The following MAPRE2 variants were observed in gnomAD, a reference collection of about 807,000 sequenced individuals.
MAPRE2 encodes microtubule associated protein RP/EB family member 2.
Under a neutral mutation model 43.2 loss-of-function variants are expected in MAPRE2, and 13 were observed. That is an observed-to-expected ratio of 0.30 (90% CI 0.20 to 0.48). MAPRE2 has a LOEUF of 0.48. Among genes scored for constraint, MAPRE2 ranks in the 20% least tolerant of loss-of-function variants. The pLI is 0.99. For missense variants in MAPRE2, 161 were observed against 400.2 expected (o/e 0.40, Z 5.10); for synonymous variants, 135 against 148.8 (o/e 0.91, Z 0.68).
intron 2 of MAPRE2, among the ~76,000 whole-genome samples, chr18:35,020,286 T>C (rs2097041074): frequency 6.6e-6 from 1 of 152,116 alleles, no homozygotes; most frequent in African/African-American, 2.4e-5. Context: ...TATTTTATTC[T>C]CCAGCTGGAC....
intron 2 of MAPRE2, among the ~76,000 whole-genome samples, chr18:35,016,425 A>G (rs941078496): frequency 3.9e-5 from 6 of 152,074 alleles, no homozygotes; most frequent in Non-Finnish European, 8.8e-5. Context: ...ATTCCCACCA[A>G]CTATGTATAA....
At chr18:34,978,432 A>G in intron 1 of MAPRE2, 2 of 1,250,012 alleles carry the variant, frequency 1.6e-6, no homozygotes, top group South Asian at 1.3e-5. Context: ...AAGTGTGCAG[A>G]CCGGTTGCGA....
chr18:35,085,542 G>A (rs1907836292), intron 2 of MAPRE2, among the ~76,000 whole-genome samples: 1 of 152,202 alleles, frequency 6.6e-6, no homozygotes, highest in Non-Finnish European at 1.5e-5. Context: ...AAGGGTGTGT[G>A]TGCCCCCAGG....
At chr18:35,072,627 C>CT (rs1296512419) in intron 2 of MAPRE2, among the ~76,000 whole-genome samples, 1 of 152,144 alleles carries the variant, frequency 6.6e-6, no homozygotes, top group African/African-American at 2.4e-5. Context: ...TATACATAAT[C>CT]TTTGCAGATC....
intron 2 of MAPRE2, among the ~76,000 whole-genome samples, chr18:35,006,705 A>T (rs2150581147): frequency 6.6e-6 from 1 of 152,340 alleles, no homozygotes; most frequent in Non-Finnish European, 1.5e-5. Context: ...GTGAAAGTGG[A>T]AATATGGAGC....
chr18:35,004,134 CT>C (rs566892078), intron 1 of MAPRE2, among the ~76,000 whole-genome samples: 1 of 151,972 alleles, frequency 6.6e-6, no homozygotes, highest in South Asian at 2.1e-4. Context: ...TGTTTTTCAC[CT>C]TTTTTTAACT....
upstream of MAPRE2, among the ~76,000 whole-genome samples, chr18:35,036,744 A>T (rs767424873): frequency 2.6e-5 from 4 of 152,162 alleles, no homozygotes; most frequent in Admixed American, 6.5e-5. Flanking sequence ...TTTGAGCTTA[A>T]TGTTTTCTCA....
At chr18:35,035,859 C>T (rs2097050271) in intron 2 of MAPRE2, among the ~76,000 whole-genome samples, 1 of 133,806 alleles carries the variant, frequency 7.5e-6, no homozygotes, top group African/African-American at 2.8e-5. Flanking sequence ...CTTCTCTTTC[C>T]CCCTGAATGA....
At chr18:35,047,585 C>T (rs1291275582) in intron 1 of MAPRE2, among the ~76,000 whole-genome samples, 2 of 152,048 alleles carry the variant, frequency 1.3e-5, no homozygotes, top group African/African-American at 2.4e-5. Flanking sequence ...AAAGAAATTT[C>T]TCCTAAATAT....
chr18:34,981,180 C>T (rs2097016010), intron 1 of MAPRE2, among the ~76,000 whole-genome samples: 1 of 151,806 alleles, frequency 6.6e-6, no homozygotes, highest in Non-Finnish European at 1.5e-5. Context: ...CAAGACCAGC[C>T]TGGCCAAACA....
intron 2 of MAPRE2, among the ~76,000 whole-genome samples, chr18:35,029,595 T>G (rs1040296106): frequency 6.6e-6 from 1 of 152,158 alleles, no homozygotes; most frequent in Non-Finnish European, 1.5e-5. Flanking sequence ...TAAAGCCCAG[T>G]GAGTTAGTTG....
chr18:35,009,008 C>T (rs991500133), intron 2 of MAPRE2, among the ~76,000 whole-genome samples: 4 of 151,848 alleles, frequency 2.6e-5, no homozygotes. Flanking sequence ...GAATGATGTG[C>T]TCATTCTACA....
chr18:35,021,394 G>T (rs1326443377), intron 2 of MAPRE2, among the ~76,000 whole-genome samples: 1 of 151,994 alleles, frequency 6.6e-6, no homozygotes, highest in Non-Finnish European at 1.5e-5. Flanking sequence ...GACCAGAAAT[G>T]GACAAAGTTC....
intron 6 of MAPRE2, among the ~76,000 whole-genome samples, chr18:35,136,962 A>G (rs1226447456): frequency 1.3e-5 from 2 of 152,244 alleles, no homozygotes; most frequent in East Asian, 1.9e-4. Flanking sequence ...CATATTTGGT[A>G]TAGGTTTTGC....
rs1354050128 is a variant in MAPRE2, at chr18:35,090,949, A to G, written c.251-6497A>G. ...AACTATCTGAAAAATTAAGGAAGCAATCCCACTTATAATCACTACCAAAAA... is the reference window on the plus strand; with the variant it reads ...AACTATCTGAAAAATTAAGGAAGCAGTCCCACTTATAATCACTACCAAAAA... On this transcript the variant is annotated intron_variant, in intron 2 of 6. Coordinates refer to ENST00000300249, the MANE Select transcript of MAPRE2 (RefSeq NM_014268.4). Among the ~76,000 whole-genome samples the G allele has an allele frequency of 2.0e-5, 3 of 152,144 alleles. No individual in the cohort carries two copies. In the East Asian group the frequency reaches 5.8e-4, roughly 29 times the overall value.
intron 1 of MAPRE2, among the ~76,000 whole-genome samples, chr18:34,996,234 G>C (rs2097026449): frequency 6.6e-6 from 1 of 152,104 alleles, no homozygotes; most frequent in African/African-American, 2.4e-5. Flanking sequence ...TGGCACCAGG[G>C]ACCAGTTTTG....
intron 2 of MAPRE2, among the ~76,000 whole-genome samples, chr18:35,021,725 G>C (rs1243353683): frequency 1.3e-5 from 2 of 152,028 alleles, no homozygotes; most frequent in Non-Finnish European, 1.5e-5. Context: ...TGAAAAGACA[G>C]AAAATACTAG....
chr18:35,014,194 A>G (rs2097036639), intron 2 of MAPRE2, among the ~76,000 whole-genome samples: 1 of 152,112 alleles, frequency 6.6e-6, no homozygotes, highest in Admixed American at 6.6e-5. Flanking sequence ...GTCAGATGCA[A>G]GGCCATCTGC....
intron 4 of MAPRE2, among the ~76,000 whole-genome samples, chr18:35,118,496 T>C (rs556707398): frequency 7.2e-5 from 11 of 152,326 alleles, no homozygotes; most frequent in African/African-American, 2.6e-4. Context: ...GAATAGGGTT[T>C]CCTAAACTAT....
Sources: allele counts gnomAD v4.1 joint callset (sites outside exome capture counted in the v4.1 genomes callset), GRCh38; gene constraint gnomAD v4.1.1; transcripts MANE v1.5; gene names NCBI Gene and HGNC (gene_info 2026-07-23, HGNC 2026-07-21).